ARB2A: variants seen among roughly 807,000 people sequenced by gnomAD.
ARB2A encodes the protein cotranscriptional regulator ARB2A.
the ARB2A span, among the ~76,000 whole-genome samples, chr5:93,977,551 A>T: frequency 2.6e-5 from 4 of 152,174 alleles, no homozygotes; most frequent in Non-Finnish European, 4.4e-5. Flanking sequence ...GTGCTGGGAA[A>T]ATTGGCTAAC....
At chr5:93,980,274 T>C in the ARB2A span, among the ~76,000 whole-genome samples, 1 of 152,206 alleles carries the variant, frequency 6.6e-6, no homozygotes, top group Non-Finnish European at 1.5e-5. Context: ...TCTGGATCAA[T>C]AGTTATTTCC....
At chr5:94,083,310 A>G in the ARB2A span, among the ~76,000 whole-genome samples, 18 of 152,274 alleles carry the variant, frequency 1.2e-4, no homozygotes, top group Middle Eastern at 3.4e-3. Flanking sequence ...TCCTTCCAAC[A>G]TTACAGCCAA....
the ARB2A span, among the ~76,000 whole-genome samples, chr5:93,992,800 A>G: frequency 1.3e-5 from 2 of 152,108 alleles, no homozygotes; most frequent in Non-Finnish European, 2.9e-5. Flanking sequence ...ACTATATCAA[A>G]AGAATGGTAA....
chr5:93,977,380 C>T, the ARB2A span, among the ~76,000 whole-genome samples: 1 of 152,008 alleles, frequency 6.6e-6, no homozygotes, highest in Non-Finnish European at 1.5e-5. Flanking sequence ...TACAAGGCTA[C>T]AGTAAACAAA....
the ARB2A span, among the ~76,000 whole-genome samples, chr5:93,965,100 C>A: frequency 5.0e-3 from 763 of 152,118 alleles, 10 homozygotes; most frequent in African/African-American, 0.018. Context: ...AATGAACCAA[C>A]AGATATAACT....
the ARB2A span, among the ~76,000 whole-genome samples, chr5:94,058,662 G>A: frequency 6.6e-6 from 1 of 152,176 alleles, no homozygotes; most frequent in Non-Finnish European, 1.5e-5. Context: ...AAATGAAGCA[G>A]AGAAAAACAA....
the ARB2A span, among the ~76,000 whole-genome samples, chr5:93,721,563 G>C: frequency 6.6e-6 from 1 of 152,158 alleles, no homozygotes; most frequent in South Asian, 2.1e-4. Flanking sequence ...AATCAATAAG[G>C]ATACACATGA....
the ARB2A span, among the ~76,000 whole-genome samples, chr5:93,896,434 G>T: frequency 2.0e-5 from 3 of 152,006 alleles, no homozygotes; most frequent in Admixed American, 6.6e-5. Flanking sequence ...GTTACTTTCA[G>T]GCCATGTGTA....
chr5:94,085,337 A>C, the ARB2A span, among the ~76,000 whole-genome samples: 1 of 152,252 alleles, frequency 6.6e-6, no homozygotes, highest in Non-Finnish European at 1.5e-5. Context: ...ATTTAGGAGC[A>C]GCTCAGCTGG....
At chr5:93,988,301 C>A in the ARB2A span, among the ~76,000 whole-genome samples, 1 of 152,214 alleles carries the variant, frequency 6.6e-6, no homozygotes, top group African/African-American at 2.4e-5. Flanking sequence ...GATCCAAATC[C>A]TTAAATCCTA....
the ARB2A span, among the ~76,000 whole-genome samples, chr5:93,790,049 T>C: frequency 6.6e-6 from 1 of 152,178 alleles, no homozygotes; most frequent in Non-Finnish European, 1.5e-5. Flanking sequence ...TTAAGTGCAA[T>C]AGTTAAATTC....
At chr5:93,776,504 G>A in the ARB2A span, among the ~76,000 whole-genome samples, 1 of 152,310 alleles carries the variant, frequency 6.6e-6, no homozygotes, top group East Asian at 1.9e-4. Context: ...AGGGCAGGGC[G>A]CGGTAGCTCG....
the ARB2A span, among the ~76,000 whole-genome samples, chr5:94,034,220 ATC>A: frequency 6.6e-6 from 1 of 152,236 alleles, no homozygotes; most frequent in South Asian, 2.1e-4. Context: ...TAATATCCGT[ATC>A]TTAAGGTCAG....
chr5:93,787,117 T>A, the ARB2A span, among the ~76,000 whole-genome samples: 1 of 152,158 alleles, frequency 6.6e-6, no homozygotes, highest in African/African-American at 2.4e-5. Context: ...CATATGAATA[T>A]TTTTTTGAGG....
chr5:94,074,933 T>C, the ARB2A span, among the ~76,000 whole-genome samples: 1 of 152,124 alleles, frequency 6.6e-6, no homozygotes, highest in Non-Finnish European at 1.5e-5. Context: ...ATTATACTTA[T>C]TTATGAATTT....
At chr5:93,617,765 T>C in the ARB2A span, among the ~76,000 whole-genome samples, 2 of 152,178 alleles carry the variant, frequency 1.3e-5, no homozygotes, top group African/African-American at 4.8e-5. Flanking sequence ...TATTCAAGTG[T>C]ATTTTATAAA....
chr5:93,916,689 C>T, the ARB2A span, among the ~76,000 whole-genome samples: 1 of 152,020 alleles, frequency 6.6e-6, no homozygotes, highest in African/African-American at 2.4e-5. Flanking sequence ...CCCTCAGAAC[C>T]CCCTAAACTA....
the ARB2A span, among the ~76,000 whole-genome samples, chr5:93,831,245 C>G: frequency 6.7e-6 from 1 of 148,720 alleles, no homozygotes; most frequent in South Asian, 2.1e-4. Flanking sequence ...TCCCTTTACT[C>G]TGTTGCCAGA....
chr5:93,736,519 T>A, the ARB2A span: 1 of 152,122 alleles, frequency 6.6e-6, no homozygotes, highest in Non-Finnish European at 1.5e-5. Context: ...GGGTGAGTCA[T>A]TTACTCTTAC....
Sources: gnomAD v4.1 joint callset for allele counts (sites outside exome capture counted in the v4.1 genomes callset) on GRCh38, gnomAD v4.1.1 for gene constraint, MANE v1.5 for transcripts, NCBI Gene and HGNC (gene_info 2026-07-23, HGNC 2026-07-21) for gene names.